Variants in OXR1 observed in about 807,000 individuals in gnomAD.
OXR1 encodes oxidation resistance 1, also known as oxidation resistance protein 1.
In OXR1, 41 loss-of-function variants were observed where a neutral mutation model predicts 104.6. The observed-to-expected ratio is 0.39, with a 90% CI of 0.31 to 0.51. The LOEUF is 0.51. OXR1 is among the 20% of genes least tolerant of loss of function. The probability of loss-of-function intolerance (pLI) is 0.77; values close to 1 mark genes in which losing one functional copy is unlikely to be tolerated. For missense variants in OXR1, 955 were observed against 1,031.9 expected (o/e 0.93, Z 1.02); for synonymous variants, 348 against 348.4 (o/e 1.00, Z 0.01).
chr8:106,634,520 T>C (rs1414182032), intron 3 of OXR1, among the ~76,000 whole-genome samples: 2 of 152,088 alleles, frequency 1.3e-5, no homozygotes, highest in African/African-American at 4.8e-5. Context: ...CACATACAAG[T>C]AGTAAGTGAT....
At chr8:106,349,529 C>T (rs1376301838) in intron 1 of OXR1, among the ~76,000 whole-genome samples, 3 of 151,950 alleles carry the variant, frequency 2.0e-5, no homozygotes, top group Non-Finnish European at 2.9e-5. Context: ...CCTCGGACTA[C>T]CATTTAATAA....
chr8:106,427,666 A>C (rs567831399), intron 2 of OXR1, among the ~76,000 whole-genome samples: 1 of 152,162 alleles, frequency 6.6e-6, no homozygotes, highest in East Asian at 1.9e-4. Context: ...CATTATCTCT[A>C]TGAAAAATAC....
chr8:106,436,861 T>G (rs910311033), intron 2 of OXR1, among the ~76,000 whole-genome samples: 1 of 152,178 alleles, frequency 6.6e-6, no homozygotes, highest in African/African-American at 2.4e-5. Context: ...TTTCCTTGAT[T>G]GGCTTGACCT....
At chr8:106,308,859 A>G (rs1813573996) in intron 1 of OXR1, among the ~76,000 whole-genome samples, 1 of 152,242 alleles carries the variant, frequency 6.6e-6, no homozygotes, top group Admixed American at 6.5e-5. Flanking sequence ...CTTATATTTT[A>G]TAAATTGTTG....
intron 3 of OXR1, among the ~76,000 whole-genome samples, chr8:106,541,898 T>C (rs1450963142): frequency 6.6e-6 from 1 of 152,216 alleles, no homozygotes; most frequent in African/African-American, 2.4e-5. Context: ...GTTTACTGTA[T>C]GTATTTGGTC....
At chr8:106,677,031 A>C (rs1827664044) in intron 3 of OXR1, among the ~76,000 whole-genome samples, 1 of 152,122 alleles carries the variant, frequency 6.6e-6, no homozygotes, top group Non-Finnish European at 1.5e-5. Flanking sequence ...TGTTTAATGA[A>C]TTATTGGGAT....
chr8:106,623,190 GA>G (rs1187388656), intron 3 of OXR1, among the ~76,000 whole-genome samples: 1 of 152,008 alleles, frequency 6.6e-6, no homozygotes, highest in Non-Finnish European at 1.5e-5. Flanking sequence ...CAGTTAAATG[GA>G]AAAATTGTGT....
chr8:106,280,588 G>C (rs1482194574), intron 1 of OXR1, among the ~76,000 whole-genome samples: 1 of 152,116 alleles, frequency 6.6e-6, no homozygotes, highest in Non-Finnish European at 1.5e-5. Context: ...TGGGGGCATA[G>C]GGAGTCAGTG....
Position 106,609,333 on chromosome 8 carries a change from A to C in OXR1, c.221-69877A>C, listed in dbSNP as rs530675133. On this transcript the variant is annotated intron_variant, in intron 3 of 16. Coordinates refer to ENST00000517566, the MANE Select transcript of OXR1 (RefSeq NM_001198533.2). ...GTCTTCTTGCTCACAAAGAAGCATC[A>C]AAGCAAGTGCTATATACACAGGAGG... Among the ~76,000 whole-genome samples the C allele has an allele frequency of 3.0e-4, 46 of 152,310 alleles. No individual in the cohort carries two copies. The South Asian group carries it at 3.1e-3, about 10-fold the overall frequency.
chr8:106,295,208 T>C (rs1367863189), intron 1 of OXR1, among the ~76,000 whole-genome samples: 1 of 152,200 alleles, frequency 6.6e-6, no homozygotes, highest in East Asian at 1.9e-4. Context: ...ATTAGGCTAA[T>C]GACAGTCCAA....
chr8:106,290,816 G>T (rs1018843811), intron 1 of OXR1, among the ~76,000 whole-genome samples: 1 of 152,150 alleles, frequency 6.6e-6, no homozygotes, highest in African/African-American at 2.4e-5. Flanking sequence ...AGGCTGCAGA[G>T]AAAAGGGAAT....
intron 3 of OXR1, among the ~76,000 whole-genome samples, chr8:106,664,065 G>A (rs190961848): frequency 1.3e-4 from 20 of 152,274 alleles, no homozygotes; most frequent in East Asian, 1.9e-4. Context: ...CTACTTGATC[G>A]GCAACCTCAG....
At chr8:106,495,618 T>C (rs1811363298) in intron 2 of OXR1, among the ~76,000 whole-genome samples, 1 of 152,162 alleles carries the variant, frequency 6.6e-6, no homozygotes, top group East Asian at 1.9e-4. Flanking sequence ...TGGGGTAAGA[T>C]AGAAGAGAGA....
intron 16 of OXR1, among the ~76,000 whole-genome samples, chr8:106,747,332 A>C (rs1835473453): frequency 6.6e-6 from 1 of 152,218 alleles, no homozygotes; most frequent in South Asian, 2.1e-4. Context: ...CTAGTATAGT[A>C]TCTGGCATAT....
intron 2 of OXR1, among the ~76,000 whole-genome samples, chr8:106,387,401 G>C (rs749453631): frequency 2.0e-5 from 3 of 152,116 alleles, no homozygotes; most frequent in Non-Finnish European, 2.9e-5. Flanking sequence ...TCTCCATCTA[G>C]ACACAATTAT....
At chr8:106,510,970 C>T (rs759609681) in intron 2 of OXR1, among the ~76,000 whole-genome samples, 12 of 152,254 alleles carry the variant, frequency 7.9e-5, no homozygotes, top group Non-Finnish European at 1.3e-4. Flanking sequence ...GAGTAATTCC[C>T]GATTCCACGT....
At chr8:106,555,912 G>T in intron 3 of OXR1, among the ~76,000 whole-genome samples, 1 of 103,372 alleles carries the variant, frequency 9.7e-6, no homozygotes, top group Non-Finnish European at 1.9e-5. Flanking sequence ...ATGTGTGTAG[G>T]CATACGTATA....
intron 2 of OXR1, among the ~76,000 whole-genome samples, chr8:106,471,006 G>T (rs922019742): frequency 5.3e-5 from 8 of 151,736 alleles, no homozygotes; most frequent in African/African-American, 1.9e-4. Context: ...GGATTTAAAA[G>T]AGAATGAAAG....
intron 3 of OXR1, among the ~76,000 whole-genome samples, chr8:106,529,599 G>A (rs554147730): frequency 5.4e-4 from 82 of 152,238 alleles, no homozygotes; most frequent in African/African-American, 1.9e-3. Context: ...TATAGCATTA[G>A]TACCTTATTT....
Sources: gnomAD v4.1 joint callset for allele counts (sites outside exome capture counted in the v4.1 genomes callset) on GRCh38, gnomAD v4.1.1 for gene constraint, MANE v1.5 for transcripts, NCBI Gene and HGNC (gene_info 2026-07-23, HGNC 2026-07-21) for gene names.